ENY2: variants seen among roughly 807,000 people sequenced by gnomAD.
ENY2 encodes transcription and mRNA export factor ENY2.
ENY2 carries 4 observed loss-of-function variants against 15.9 expected under a neutral mutation model. That is an observed-to-expected ratio of 0.25 (90% CI 0.12 to 0.57). The LOEUF (loss-of-function observed/expected upper bound fraction) is 0.57, where lower values mean the gene tolerates loss of function less well. ENY2 is among the 20% of genes least tolerant of loss of function. The pLI, the probability that ENY2 is intolerant of heterozygous loss-of-function variation, is 0.91. For missense variants in ENY2, 54 were observed against 117.2 expected (o/e 0.46, Z 2.49); for synonymous variants, 48 against 38.0 (o/e 1.26, Z -0.97).
intron 4 of ENY2, chr8:109,342,651 A>G (rs1355380412): frequency 2.9e-6 from 2 of 690,268 alleles, no homozygotes; most frequent in African/African-American, 1.8e-5. Context: ...GAGACCACAG[A>G]CACACACCAC....
intron 4 of ENY2, chr8:109,340,917 GTC>G (rs1487007406): frequency 5.6e-6 from 1 of 177,136 alleles, no homozygotes; most frequent in Non-Finnish European, 1.2e-5. Context: ...ATAATTCAAA[GTC>G]TTATTCCAAC....
At chr8:109,341,326 G>A (rs1816107846) in intron 4 of ENY2, among the ~76,000 whole-genome samples, 1 of 152,030 alleles carries the variant, frequency 6.6e-6, no homozygotes, top group Non-Finnish European at 1.5e-5. Context: ...TATTACTACA[G>A]AACATGAATT....
At position 109,339,365 on chromosome 8, in the gene ENY2, G is replaced by A. The variant is rs1816066736; in HGVS notation, c.129G>A (p.Lys43=). ...CTAAATTAATTGAATGTGGCTGGAA[G>A]GATCAGTTGAAGGCACACTGTAAAG... The part of the protein sequence containing the change: ...LRAKLIECGW[K]DQLKAHCKEV... The change falls in exon 3 of 5, where the codon AAG becomes AAA. Residue 43 remains lysine, a synonymous_variant. Transcript: ENST00000521688. The A allele has an allele frequency of 2.5e-6, 4 of 1,613,914 alleles. No individual in the cohort carries two copies. Among genetic ancestry groups the A allele is most frequent in the East Asian group, 4.5e-5 (2 of 44,838 alleles).
intron 2 of ENY2, 121 bp from the exon 3 acceptor site, chr8:109,339,199 C>T: frequency 1.3e-6 from 1 of 783,374 alleles, no homozygotes. Context: ...GATTAGGCCA[C>T]AGTTAAAGTT....
intron 2 of ENY2, among the ~76,000 whole-genome samples, chr8:109,337,830 C>T (rs1006541435): frequency 6.6e-6 from 1 of 151,466 alleles, no homozygotes; most frequent in African/African-American, 2.4e-5. Context: ...ACTCGGGAGG[C>T]GGAGGTTGCG....
intron 2 of ENY2, among the ~76,000 whole-genome samples, chr8:109,337,412 A>G (rs1006488997): frequency 1.1e-4 from 17 of 151,200 alleles, no homozygotes; most frequent in African/African-American, 3.7e-4. Flanking sequence ...CTGAGTTTCT[A>G]TCATATGCCA....
chr8:109,342,851 A>C, intron 4 of ENY2: 1 of 559,890 alleles, frequency 1.8e-6, no homozygotes, highest in Non-Finnish European at 3.2e-6. Context: ...GATTGGTAAA[A>C]TATGCTATGT....
In ENY2 at chr8:109,337,643, C is replaced by T. The variant is rs547144195; in HGVS notation, c.83+1439C>T. Reference sequence around the variant, plus strand: ...AGGAGGCCGTGCATAGTGGCTCACGCCTGTAATCCCAGCACTTTGGGAGGC... The same window carrying T: ...AGGAGGCCGTGCATAGTGGCTCACGTCTGTAATCCCAGCACTTTGGGAGGC... On this transcript the variant is annotated intron_variant, in intron 2 of 4. Coordinates refer to ENST00000521688, the MANE Select transcript of ENY2 (RefSeq NM_020189.6). Among the ~76,000 whole-genome samples the T allele has an allele frequency of 1.1e-3, 171 of 152,286 alleles. 1 individual carries two copies. The highest frequency in any genetic ancestry group is 3.9e-3 in the African/African-American group (162 of 41,562).
At chr8:109,342,141 T>C (rs1032623127) in intron 4 of ENY2, among the ~76,000 whole-genome samples, 1 of 150,896 alleles carries the variant, frequency 6.6e-6, no homozygotes, top group African/African-American at 2.4e-5. Flanking sequence ...GTAAATACGT[T>C]AGAAGTTTTA....
At chr8:109,336,553 C>G (rs982001868) in intron 2 of ENY2, 1 of 190,900 alleles carries the variant, frequency 5.2e-6, no homozygotes, top group South Asian at 1.1e-4. Context: ...AACCTTGGAG[C>G]AGCAAGTGCT....
intron 4 of ENY2, among the ~76,000 whole-genome samples, chr8:109,341,895 A>G (rs896284157): frequency 2.0e-5 from 3 of 152,136 alleles, no homozygotes; most frequent in African/African-American, 7.2e-5. Flanking sequence ...GTCCCATCTT[A>G]TTTCAAGGCA....
At chr8:109,342,647 A>G (rs1816147133) in intron 4 of ENY2, 6 of 688,876 alleles carry the variant, frequency 8.7e-6, no homozygotes, top group Non-Finnish European at 1.6e-5. Flanking sequence ...AGCTGAGACC[A>G]CAGACACACA....
intron 1 of ENY2, chr8:109,334,786 C>T (rs1032296869): frequency 6.6e-6 from 3 of 453,696 alleles, no homozygotes; most frequent in Non-Finnish European, 1.2e-5. Context: ...TGTCCAAGGT[C>T]ACTATCCGTA....
In ENY2 at chr8:109,343,967, C is replaced by T. The variant is rs2130207235; in HGVS notation, c.*486C>T. 6.6e-6 allele frequency: 1 copy of T among 152,438 alleles called. No homozygotes were observed. The highest frequency in any genetic ancestry group is 2.4e-5 in the African/African-American group (1 of 41,558). The allele number at this position is 152,438 out of a possible 1,614,324, so 9.4% of individuals were successfully genotyped here. Reference sequence around the variant, plus strand: ...CTCATCTTTATGTGCCTTCCTTATGCTTCAAAGAATTTACCATCTAATGGA... The same window carrying T: ...CTCATCTTTATGTGCCTTCCTTATGTTTCAAAGAATTTACCATCTAATGGA... On this transcript the variant is annotated 3_prime_UTR_variant, in exon 5 of 5. Coordinates refer to ENST00000521688, the MANE Select transcript of ENY2 (RefSeq NM_020189.6).
intron 1 of ENY2, 82 bp downstream of exon 1, chr8:109,334,556 CCCGACCCGCGCT>C: frequency 6.7e-7 from 1 of 1,499,310 alleles, no homozygotes; most frequent in East Asian, 2.4e-5. Flanking sequence ...CGTTAGCGTC[CCCGACCCGCGCT>C]CGCGGGCCTG....
chr8:109,340,574 CA>C lies in ENY2; in HGVS notation c.229+12del. 1.9e-6 allele frequency: 3 copies of C among 1,612,926 alleles called. No homozygotes were observed. Among genetic ancestry groups the C allele is most frequent in the Non-Finnish European group, 2.5e-6 (3 of 1,179,330 alleles). On this transcript the variant is annotated intron_variant, in intron 4 of 4. Transcript: ENST00000521688. Reference sequence around the variant, plus strand: ...CTCCAAAAGGCAGAGGTAAGGAATACAGAGTTTGTTAAAGGAAACATGCTGC... The same window carrying C: ...CTCCAAAAGGCAGAGGTAAGGAATACGAGTTTGTTAAAGGAAACATGCTGC...
intron 4 of ENY2, among the ~76,000 whole-genome samples, chr8:109,342,996 A>G (rs961783768): frequency 6.6e-6 from 1 of 152,222 alleles, no homozygotes; most frequent in African/African-American, 2.4e-5. Flanking sequence ...AAACAACTGT[A>G]TAGTAGAAAG....
chr8:109,343,052 G>C (rs930201987), intron 4 of ENY2, among the ~76,000 whole-genome samples: 15 of 151,868 alleles, frequency 9.9e-5, no homozygotes, highest in African/African-American at 3.1e-4. Flanking sequence ...TTATCTTTTG[G>C]CCTTGCTTAT....
At chr8:109,335,826 C>G (rs571865571) in intron 1 of ENY2, 10 of 202,272 alleles carry the variant, frequency 4.9e-5, no homozygotes, top group African/African-American at 1.4e-4. Flanking sequence ...TGCCTTTCCA[C>G]TTTCTATCTC....
Sources: allele counts gnomAD v4.1 joint callset (sites outside exome capture counted in the v4.1 genomes callset), GRCh38; gene constraint gnomAD v4.1.1; transcripts MANE v1.5; gene names NCBI Gene and HGNC (gene_info 2026-07-23, HGNC 2026-07-21).